LARGE1: variants seen among roughly 807,000 people sequenced by gnomAD.
LARGE1 encodes xylosyl- and glucuronyltransferase LARGE1.
In LARGE1, 43 loss-of-function variants were observed where a neutral mutation model predicts 87.6. The ratio of observed to expected loss-of-function variants is 0.49; its 90% confidence interval spans 0.38 to 0.63. LARGE1 has a LOEUF of 0.63. Ranked by LOEUF, LARGE1 falls within the 30% of genes least tolerant of loss-of-function variation. The probability of loss-of-function intolerance (pLI) is 0.00; values close to 1 mark genes in which losing one functional copy is unlikely to be tolerated. For synonymous variants in LARGE1, 434 were observed against 394.6 expected (o/e 1.10, Z -1.18); for missense variants, 802 against 1,000.2 (o/e 0.80, Z 2.67).
At chr22:33,189,708 A>G (rs77569640) in intron 11 of LARGE1, among the ~76,000 whole-genome samples, 12,728 of 152,232 alleles carry the variant, frequency 0.084, 704 homozygotes, top group Middle Eastern at 0.2. Context: ...TGTGGGAAAG[A>G]GCATTGTGGA....
chr22:33,454,456 G>GA (rs920098872), intron 6 of LARGE1, among the ~76,000 whole-genome samples: 6 of 151,348 alleles, frequency 4.0e-5, no homozygotes, highest in African/African-American at 1.2e-4. Context: ...CGTCTCTACT[G>GA]AAAAAACAAA....
rs540959508 is a variant in LARGE1 at position 33,706,042 on chromosome 22, G to C, written c.106+55329C>G. 4.6e-5 allele frequency among the ~76,000 whole-genome samples: 7 copies of C among 152,258 alleles called. No homozygotes were observed. The South Asian group carries it at 6.2e-4, about 14-fold the overall frequency. On this transcript the variant is annotated intron_variant, in intron 2 of 14. Coordinates refer to ENST00000397394, the MANE Select transcript of LARGE1 (RefSeq NM_133642.5). ...CATCAATAAATGGATTTGAACACAG[G>C]GCTGGCTCCTAACAGTTAACTGCCC... is the stretch of plus-strand genomic sequence containing the variant.
intron 11 of LARGE1, among the ~76,000 whole-genome samples, chr22:33,183,630 A>ACACACG (rs1923306998): frequency 1.0e-5 from 1 of 97,632 alleles, no homozygotes; most frequent in South Asian, 3.0e-4. Flanking sequence ...GCACACACAC[A>ACACACG]CACACACACA....
At chr22:33,742,665 C>T (rs5999079) in intron 2 of LARGE1, among the ~76,000 whole-genome samples, 4 of 152,202 alleles carry the variant, frequency 2.6e-5, no homozygotes, top group African/African-American at 4.8e-5. Flanking sequence ...AATAAAACCA[C>T]GCAGATGCTT....
At chr22:33,139,236 C>G in the LARGE1 span, among the ~76,000 whole-genome samples, 2 of 152,062 alleles carry the variant, frequency 1.3e-5, no homozygotes, top group African/African-American at 4.8e-5. Context: ...TCTCATTGTG[C>G]TTTTAATTTG....
chr22:33,721,936 C>T (rs1332813737), intron 2 of LARGE1, among the ~76,000 whole-genome samples: 2 of 152,234 alleles, frequency 1.3e-5, no homozygotes, highest in East Asian at 3.9e-4. Flanking sequence ...GTCACAGCCA[C>T]AATGGAGATC....
intron 7 of LARGE1, among the ~76,000 whole-genome samples, chr22:33,418,028 A>G (rs921267275): frequency 1.3e-5 from 2 of 151,468 alleles, no homozygotes; most frequent in African/African-American, 2.4e-5. Context: ...GCTCACTGCA[A>G]CCTCCACCTC....
intron 6 of LARGE1, among the ~76,000 whole-genome samples, chr22:33,514,879 CTCACTGAGGCTG>C (rs71686575): frequency 0.013 from 2,012 of 152,228 alleles, 49 homozygotes; most frequent in African/African-American, 0.047. Flanking sequence ...GTGACCTAAG[CTCACTGAGGCTG>C]TCACTGAGGC....
chr22:33,242,346 C>A (rs994580274), intron 11 of LARGE1, among the ~76,000 whole-genome samples: 11 of 152,242 alleles, frequency 7.2e-5, no homozygotes, highest in African/African-American at 2.6e-4. Context: ...ACCTATCAAT[C>A]TTCTAGTCTT....
intron 1 of LARGE1, among the ~76,000 whole-genome samples, chr22:33,838,379 CTG>C (rs1568974646): frequency 6.6e-6 from 1 of 152,156 alleles, no homozygotes; most frequent in African/African-American, 2.4e-5. Flanking sequence ...TGGCTCATGC[CTG>C]TATTCCCAGC....
At chr22:33,761,647 A>T (rs775842077) in intron 1 of LARGE1, 89 bp from the exon 2 acceptor site, 28 of 670,212 alleles carry the variant, frequency 4.2e-5, no homozygotes, top group Middle Eastern at 3.9e-4. Flanking sequence ...TAGATCCTGA[A>T]AGGGGTTCAA....
chr22:33,512,821 A>T (rs555133263), intron 6 of LARGE1, among the ~76,000 whole-genome samples: 2 of 152,334 alleles, frequency 1.3e-5, no homozygotes, highest in South Asian at 4.1e-4. Context: ...AATAATTAAA[A>T]TAATGGTGAT....
At chr22:33,465,244 G>C (rs1163545726) in intron 6 of LARGE1, among the ~76,000 whole-genome samples, 1 of 152,162 alleles carries the variant, frequency 6.6e-6, no homozygotes, top group Non-Finnish European at 1.5e-5. Flanking sequence ...AGCTAAAAGA[G>C]GCAAAAGAAA....
chr22:33,131,033 C>CAAAAAAAAAAAA, the LARGE1 span, among the ~76,000 whole-genome samples: 5 of 70,936 alleles, frequency 7.0e-5, no homozygotes, highest in African/African-American at 2.3e-4. Context: ...GACTCCGTCT[C>CAAAAAAAAAAAA]AAAAAAAAAA....
At chr22:33,774,410 G>A (rs1272363730) in intron 1 of LARGE1, among the ~76,000 whole-genome samples, 2 of 152,030 alleles carry the variant, frequency 1.3e-5, no homozygotes, top group African/African-American at 4.8e-5. Context: ...AGGCTGGAGT[G>A]CAGTGGCACG....
intron 6 of LARGE1, among the ~76,000 whole-genome samples, chr22:33,440,549 T>A (rs1247597635): frequency 2.0e-5 from 3 of 152,192 alleles, no homozygotes; most frequent in African/African-American, 7.2e-5. Flanking sequence ...ACCTCATATT[T>A]ATTCTAATAA....
chr22:33,720,491 A>G (rs2083062553), intron 2 of LARGE1, among the ~76,000 whole-genome samples: 1 of 152,206 alleles, frequency 6.6e-6, no homozygotes, highest in Non-Finnish European at 1.5e-5. Context: ...ACACTCTATG[A>G]TATTTATATA....
intron 2 of LARGE1, among the ~76,000 whole-genome samples, chr22:33,722,309 G>GAGGAGGGAGAGGGAA (rs2083129097): frequency 7.0e-6 from 1 of 143,690 alleles, no homozygotes; most frequent in African/African-American, 2.6e-5. Context: ...GGGAGAGGGA[G>GAGGAGGGAGAGGGAA]AGGAGGGAGA....
chr22:33,792,472 C>T (rs751653163), intron 1 of LARGE1, among the ~76,000 whole-genome samples: 14 of 152,114 alleles, frequency 9.2e-5, no homozygotes, highest in Non-Finnish European at 2.1e-4. Flanking sequence ...AACCTCTTTC[C>T]TTTATAAACT....
Sources: allele counts gnomAD v4.1 joint callset (sites outside exome capture counted in the v4.1 genomes callset), GRCh38; gene constraint gnomAD v4.1.1; transcripts MANE v1.5; gene names NCBI Gene and HGNC (gene_info 2026-07-23, HGNC 2026-07-21).